The following EPHA6 variants were observed in gnomAD, a reference collection of about 807,000 sequenced individuals.
EPHA6 encodes EPH receptor A6.
Under a neutral mutation model 112.0 loss-of-function variants are expected in EPHA6, and 50 were observed. The ratio of observed to expected loss-of-function variants is 0.45; its 90% confidence interval spans 0.36 to 0.56. The LOEUF (loss-of-function observed/expected upper bound fraction) is 0.56. EPHA6 is among the 20% of genes least tolerant of loss of function. EPHA6 has a pLI of 0.00. For missense variants in EPHA6, 1,280 were observed against 1,417.4 expected (o/e 0.90, Z 1.56); for synonymous variants, 529 against 490.7 (o/e 1.08, Z -1.03).
intron 3 of EPHA6, among the ~76,000 whole-genome samples, chr3:97,032,466 A>C (rs114945935): frequency 1.0e-3 from 159 of 151,866 alleles, no homozygotes; most frequent in African/African-American, 3.7e-3. Flanking sequence ...TAAAAAGAAT[A>C]AAAAAAAGGA....
intron 12 of EPHA6, among the ~76,000 whole-genome samples, chr3:97,601,890 G>A (rs1042794461): frequency 1.3e-5 from 2 of 151,948 alleles, no homozygotes; most frequent in East Asian, 3.8e-4. Flanking sequence ...TCTTTTGACA[G>A]TGAATGATAC....
intron 5 of EPHA6, among the ~76,000 whole-genome samples, chr3:97,348,476 A>ATGGAGTAG (rs2083643958): frequency 6.6e-6 from 1 of 151,964 alleles, no homozygotes; most frequent in African/African-American, 2.4e-5. Context: ...CACATATAAG[A>ATGGAGTAG]TGGAGTAGTT....
chr3:97,263,886 A>T (rs2079584024), intron 5 of EPHA6, among the ~76,000 whole-genome samples: 2 of 152,158 alleles, frequency 1.3e-5, no homozygotes, highest in Non-Finnish European at 2.9e-5. Flanking sequence ...ACATCATTGT[A>T]GTTTTCTGTA....
chr3:97,175,691 A>T (rs1003724887), intron 3 of EPHA6, among the ~76,000 whole-genome samples: 13 of 151,818 alleles, frequency 8.6e-5, no homozygotes, highest in Middle Eastern at 3.4e-3. Flanking sequence ...TTTTCACATT[A>T]TTCACTGTTG....
At chr3:97,563,189 A>G (rs936357219) in intron 11 of EPHA6, among the ~76,000 whole-genome samples, 4 of 152,312 alleles carry the variant, frequency 2.6e-5, no homozygotes, top group African/African-American at 7.2e-5. Context: ...AAGGAAAAAC[A>G]AAGAAGTATA....
Position 96,825,815 on chromosome 3 carries a change from A to G in EPHA6, c.385+10807A>G, listed in dbSNP as rs958371925. Among the ~76,000 whole-genome samples, 19 of 151,942 alleles carry G rather than the reference A, an allele frequency of 1.3e-4. No individual in the cohort carries two copies. In the East Asian group the frequency reaches 3.7e-3, roughly 29 times the overall value. On this transcript the variant is annotated intron_variant, in intron 1 of 17. Transcript: ENST00000389672. ...AATCTAGTTTCTGTATTATAATTAT[A>G]CTCTATTTTTAAATTAAACATTTTA...
At chr3:97,428,663 CGAGGAGAGTGTTCTCCCTTTAAGA>C (rs2089309241) in intron 6 of EPHA6, among the ~76,000 whole-genome samples, 1 of 152,100 alleles carries the variant, frequency 6.6e-6, no homozygotes, top group African/African-American at 2.4e-5. Context: ...TCAGTGGCGA[CGAGGAGAGTGTTCTCCCTTTAAGA>C]GAGAGAACGG....
chr3:96,846,783 C>T (rs771722995), intron 1 of EPHA6, among the ~76,000 whole-genome samples: 2 of 152,010 alleles, frequency 1.3e-5, no homozygotes, highest in Non-Finnish European at 2.9e-5. Context: ...TATGGAGTAG[C>T]TCCAGTCACC....
intron 3 of EPHA6, among the ~76,000 whole-genome samples, chr3:97,165,847 C>A (rs1453704211): frequency 2.0e-5 from 3 of 152,086 alleles, no homozygotes; most frequent in Admixed American, 6.6e-5. Flanking sequence ...TTAATGATTT[C>A]TTTGAAAGTC....
At chr3:96,948,580 A>G (rs944119769) in intron 2 of EPHA6, among the ~76,000 whole-genome samples, 1 of 152,186 alleles carries the variant, frequency 6.6e-6, no homozygotes, top group African/African-American at 2.4e-5. Context: ...AAATAAATGA[A>G]TAAAATCTTA....
At chr3:96,999,244 T>C (rs987989782) in intron 3 of EPHA6, among the ~76,000 whole-genome samples, 1 of 151,886 alleles carries the variant, frequency 6.6e-6, no homozygotes, top group African/African-American at 2.4e-5. Flanking sequence ...TTTGAAAAGT[T>C]TGTGATTATA....
intron 3 of EPHA6, among the ~76,000 whole-genome samples, chr3:97,110,118 C>T (rs184413959): frequency 1.9e-3 from 284 of 152,148 alleles, no homozygotes; most frequent in Admixed American, 4.9e-3. Context: ...GGTTTAGATA[C>T]TTTGCATATT....
intron 9 of EPHA6, among the ~76,000 whole-genome samples, chr3:97,483,283 C>A (rs1234613151): frequency 6.6e-6 from 1 of 152,200 alleles, no homozygotes; most frequent in African/African-American, 2.4e-5. Context: ...TCAGCAGATA[C>A]ACAACCAATG....
intron 2 of EPHA6, among the ~76,000 whole-genome samples, chr3:96,923,844 A>G (rs1051986427): frequency 6.6e-6 from 1 of 152,164 alleles, no homozygotes; most frequent in Admixed American, 6.6e-5. Flanking sequence ...AGTTTTCTGT[A>G]TATGGCTAGC....
At chr3:97,512,094 C>T (rs909448122) in intron 10 of EPHA6, among the ~76,000 whole-genome samples, 6 of 151,950 alleles carry the variant, frequency 3.9e-5, no homozygotes, top group Non-Finnish European at 8.8e-5. Flanking sequence ...GAGATTTTAC[C>T]TAAAATAATA....
At chr3:96,977,146 G>T (rs993087009) in intron 2 of EPHA6, among the ~76,000 whole-genome samples, 1 of 152,032 alleles carries the variant, frequency 6.6e-6, no homozygotes, top group Non-Finnish European at 1.5e-5. Context: ...ATATGAACCT[G>T]GATTGTCAGG....
chr3:97,489,624 T>C (rs2091786789), intron 10 of EPHA6, among the ~76,000 whole-genome samples: 1 of 150,686 alleles, frequency 6.6e-6, no homozygotes, highest in Non-Finnish European at 1.5e-5. Context: ...AGGCAGAGCT[T>C]GCAGTGAGCC....
intron 4 of EPHA6, among the ~76,000 whole-genome samples, chr3:97,231,839 G>C: frequency 6.6e-6 from 1 of 152,174 alleles, no homozygotes; most frequent in Non-Finnish European, 1.5e-5. Context: ...ACTTATAGTC[G>C]TTTCTTTTTT....
At chr3:97,123,101 C>G (rs1361468804) in intron 3 of EPHA6, among the ~76,000 whole-genome samples, 2 of 151,940 alleles carry the variant, frequency 1.3e-5, no homozygotes, top group Non-Finnish European at 2.9e-5. Flanking sequence ...CATTTCATCA[C>G]TTATCCAAAG....
Sources: gnomAD v4.1 joint callset for allele counts (sites outside exome capture counted in the v4.1 genomes callset) on GRCh38, gnomAD v4.1.1 for gene constraint, MANE v1.5 for transcripts, NCBI Gene and HGNC (gene_info 2026-07-23, HGNC 2026-07-21) for gene names.